Variants in XKR4 observed in about 807,000 individuals in gnomAD.
XKR4 encodes the protein XK related 4.
A neutral mutation model predicts 53.9 loss-of-function variants in XKR4; 12 were observed. The observed-to-expected ratio is 0.22, with a 90% CI of 0.14 to 0.36. The LOEUF is 0.36. Among genes scored for constraint, XKR4 ranks in the 10% least tolerant of loss-of-function variants. The pLI, the probability that XKR4 is intolerant of heterozygous loss-of-function variation, is 1.00. For synonymous variants in XKR4, 354 were observed against 362.4 expected, an observed-to-expected ratio of 0.98 and a Z score of 0.26; for missense variants, 799 against 859.5, an observed-to-expected ratio of 0.93 and a Z score of 0.88.
At chr8:55,154,325 G>C (rs1816877737) in intron 1 of XKR4, among the ~76,000 whole-genome samples, 1 of 152,138 alleles carries the variant, frequency 6.6e-6, no homozygotes, top group African/African-American at 2.4e-5. Context: ...TGAGAAAGCT[G>C]TTTGAAAAAG....
At chr8:55,514,140 T>C (rs1467963991) in intron 2 of XKR4, among the ~76,000 whole-genome samples, 1 of 152,236 alleles carries the variant, frequency 6.6e-6, no homozygotes, top group Non-Finnish European at 1.5e-5. Flanking sequence ...CCTCAGTTTT[T>C]TCATCTGTAA....
In XKR4 at chr8:55,289,677, G is replaced by GAAAGAA. The variant is rs201871671; in HGVS notation, c.807-68000_807-67999insAAGAAA. Among the ~76,000 whole-genome samples the GAAAGAA allele has an allele frequency of 8.7e-3, 1,083 of 125,048 alleles. 19 individuals carry two copies. Among genetic ancestry groups the GAAAGAA allele is most frequent in the African/African-American group, 0.014 (434 of 30,602 alleles). 82.0% of individuals were successfully genotyped at this position (125,048 alleles called of 152,430 possible). On this transcript the variant is annotated intron_variant, in intron 1 of 2. Transcript: ENST00000327381. ...AGGAAGGAAAAGAAAAGAAAAGAAAGAGAAAGAAAGAAAGAAAGAGAAAGA... is the reference window on the plus strand; with the variant it reads ...AGGAAGGAAAAGAAAAGAAAAGAAAGAAAGAAAGAAAGAAAGAAAGAAAGAGAAAGA...
chr8:55,285,078 C>G lies in XKR4; in HGVS notation c.807-72600C>G, dbSNP rs185840611. On this transcript the variant is annotated intron_variant, in intron 1 of 2. Coordinates refer to ENST00000327381, the MANE Select transcript of XKR4 (RefSeq NM_052898.2). ...TCATATCACACTGCTGTTCACAACCCATCTCCCTCAGAGTAGAAGCCCAAG... is the reference window on the plus strand; with the variant it reads ...TCATATCACACTGCTGTTCACAACCGATCTCCCTCAGAGTAGAAGCCCAAG... Among the ~76,000 whole-genome samples, 5 of 152,290 alleles carry G rather than the reference C, an allele frequency of 3.3e-5. No individual in the cohort carries two copies. In the East Asian group the frequency reaches 9.6e-4, roughly 29 times the overall value.
At chr8:55,482,479 T>C (rs181754220) in intron 2 of XKR4, among the ~76,000 whole-genome samples, 17 of 152,176 alleles carry the variant, frequency 1.1e-4, no homozygotes, top group African/African-American at 4.1e-4. Flanking sequence ...CACACCAACA[T>C]GGCACATGTA....
chr8:55,357,950 T>A, intron 2 of XKR4, 73 bp downstream of exon 2: 1 of 1,465,174 alleles, frequency 6.8e-7, no homozygotes, highest in East Asian at 2.4e-5. Context: ...TCCGAGGAAC[T>A]GTCCTAATGC....
intron 1 of XKR4, among the ~76,000 whole-genome samples, chr8:55,123,603 G>A (rs1170312904): frequency 6.6e-6 from 1 of 152,152 alleles, no homozygotes; most frequent in Non-Finnish European, 1.5e-5. Flanking sequence ...TGAGAAAATG[G>A]GAGTACCTTC....
At chr8:55,375,860 C>A (rs1042473527) in intron 2 of XKR4, among the ~76,000 whole-genome samples, 1 of 152,040 alleles carries the variant, frequency 6.6e-6, no homozygotes, top group African/African-American at 2.4e-5. Context: ...TGCGTTAGCT[C>A]TTTTCCCTGA....
chr8:55,135,054 A>G (rs2129353470), intron 1 of XKR4: 1 of 152,440 alleles, frequency 6.6e-6, no homozygotes, highest in East Asian at 1.9e-4. Flanking sequence ...ACCTGTATCT[A>G]CACATATATG....
chr8:55,304,951 A>G (rs1214428618), intron 1 of XKR4, among the ~76,000 whole-genome samples: 2 of 152,186 alleles, frequency 1.3e-5, no homozygotes, highest in Non-Finnish European at 2.9e-5. Context: ...GATAATAACA[A>G]TAAGATTATT....
Position 55,102,527 on chromosome 8 carries a change from A to G in XKR4, c.39A>G (p.Lys13=). 1 of 1,547,726 alleles carries G rather than the reference A, an allele frequency of 6.5e-7. No individual in the cohort carries two copies. The highest frequency in any genetic ancestry group is 8.8e-7 in the Non-Finnish European group (1 of 1,142,466). The change falls in exon 1 of 3, where the codon AAA becomes AAG. Residue 13 remains lysine, a synonymous_variant. Coordinates refer to ENST00000327381, the MANE Select transcript of XKR4 (RefSeq NM_052898.2). This position sits in a 1 kb window ranked among gnomAD's most constrained non-coding sequence, Gnocchi z 5.1. ...CAGACGGGAGGCTGAAAATGAAGAA[A>G]AGCAGCGACGTGGCGTTCACCCCGC... The part of the protein sequence containing the change: ...AKSDGRLKMK[K]SSDVAFTPLQ...
At chr8:55,389,310 C>T (rs2129388428) in intron 2 of XKR4, among the ~76,000 whole-genome samples, 1 of 152,296 alleles carries the variant, frequency 6.6e-6, no homozygotes, top group South Asian at 2.1e-4. Flanking sequence ...CCCCAGAAAA[C>T]TAATATATTC....
chr8:55,248,722 T>C (rs4475454), intron 1 of XKR4, among the ~76,000 whole-genome samples: 31,116 of 152,258 alleles, frequency 0.2, 4,187 homozygotes, highest in East Asian at 0.49. Flanking sequence ...CAGCATATTT[T>C]CAAACTTAAT....
At chr8:55,373,466 C>A (rs1804101630) in intron 2 of XKR4, among the ~76,000 whole-genome samples, 1 of 152,150 alleles carries the variant, frequency 6.6e-6, no homozygotes, top group Non-Finnish European at 1.5e-5. Flanking sequence ...CGCACCTGGC[C>A]AACACTCCAA....
chr8:55,126,290 GA>G (rs1362102163), intron 1 of XKR4, among the ~76,000 whole-genome samples: 10 of 152,130 alleles, frequency 6.6e-5, no homozygotes, highest in African/African-American at 2.4e-4. Context: ...TTCTTCTGGG[GA>G]AACAGTGACG....
At chr8:55,132,037 A>G (rs1036282293) in intron 1 of XKR4, among the ~76,000 whole-genome samples, 21 of 152,222 alleles carry the variant, frequency 1.4e-4, no homozygotes, top group Non-Finnish European at 4.4e-5. Context: ...CTACCAGATC[A>G]TTGGTCAGGC....
intron 1 of XKR4, among the ~76,000 whole-genome samples, chr8:55,348,815 G>A (rs1426013327): frequency 6.6e-6 from 1 of 152,014 alleles, no homozygotes; most frequent in African/African-American, 2.4e-5. Context: ...AGTAGATAGA[G>A]ATGTTTACAT....
intron 2 of XKR4, among the ~76,000 whole-genome samples, chr8:55,486,701 A>G (rs1040046876): frequency 2.0e-5 from 3 of 152,190 alleles, no homozygotes; most frequent in African/African-American, 7.2e-5. Context: ...GGGGCCTACA[A>G]ATTTTGTAGG....
At chr8:55,141,298 T>G (rs571815995) in intron 1 of XKR4, among the ~76,000 whole-genome samples, 22 of 152,256 alleles carry the variant, frequency 1.4e-4, no homozygotes, top group African/African-American at 4.8e-4. Context: ...CAGACGCATC[T>G]CCTGGAGGTA....
chr8:55,464,154 C>G (rs985690750), intron 2 of XKR4, among the ~76,000 whole-genome samples: 1 of 152,110 alleles, frequency 6.6e-6, no homozygotes, highest in East Asian at 1.9e-4. Flanking sequence ...GATACCAAAG[C>G]CTGGCAGAGA....
Sources: gnomAD v4.1 joint callset for allele counts (sites outside exome capture counted in the v4.1 genomes callset) on GRCh38, gnomAD v4.1.1 for gene constraint, Gnocchi (gnomAD v3.1) non-coding constraint, MANE v1.5 for transcripts, NCBI Gene and HGNC (gene_info 2026-07-23, HGNC 2026-07-21) for gene names.